The following CHCHD3 variants were observed in gnomAD, a reference collection of about 807,000 sequenced individuals.
The protein encoded by CHCHD3 is MICOS complex subunit MIC19.
A neutral mutation model predicts 38.2 loss-of-function variants in CHCHD3; 20 were observed. The ratio of observed to expected loss-of-function variants is 0.52; its 90% CI spans 0.37 to 0.76. CHCHD3 has a LOEUF of 0.76. Ranked by LOEUF, CHCHD3 falls within the 30% of genes least tolerant of loss-of-function variation. The pLI is 0.00. For missense variants in CHCHD3, 245 were observed against 279.2 expected (o/e 0.88, Z 0.87); for synonymous variants, 82 against 100.0 (o/e 0.82, Z 1.07).
intron 2 of CHCHD3, among the ~76,000 whole-genome samples, chr7:133,032,537 C>A (rs545244696): frequency 2.6e-5 from 4 of 152,138 alleles, no homozygotes; most frequent in Non-Finnish European, 5.9e-5. Flanking sequence ...TGGCATATTA[C>A]GCAAATAATG....
At chr7:132,799,027 G>T (rs1478086764) in intron 6 of CHCHD3, among the ~76,000 whole-genome samples, 3 of 151,218 alleles carry the variant, frequency 2.0e-5, no homozygotes, top group African/African-American at 7.3e-5. Context: ...GTGTGTGTGT[G>T]TGTGTGTGTG....
intron 2 of CHCHD3, among the ~76,000 whole-genome samples, chr7:133,039,777 T>G (rs772414535): frequency 6.6e-6 from 1 of 152,232 alleles, no homozygotes; most frequent in Non-Finnish European, 1.5e-5. Context: ...AGCACATGGC[T>G]GGTCAGAAGG....
chr7:132,859,624 C>T (rs925288622), intron 5 of CHCHD3, among the ~76,000 whole-genome samples: 5 of 152,214 alleles, frequency 3.3e-5, no homozygotes, highest in Non-Finnish European at 7.3e-5. Context: ...TTTTGTCCAG[C>T]CCAGATTCCC....
intron 4 of CHCHD3, among the ~76,000 whole-genome samples, chr7:132,958,928 T>C (rs182652018): frequency 6.6e-6 from 1 of 152,274 alleles, no homozygotes; most frequent in East Asian, 1.9e-4. Context: ...GAAGAAAACA[T>C]GTACCCTTCT....
chr7:132,842,608 C>G (rs1807967175), intron 5 of CHCHD3, among the ~76,000 whole-genome samples: 1 of 152,110 alleles, frequency 6.6e-6, no homozygotes, highest in Non-Finnish European at 1.5e-5. Flanking sequence ...TGTAACAGTT[C>G]CTCAGTCTTC....
At chr7:133,016,686 A>G (rs1813039556) in intron 3 of CHCHD3, among the ~76,000 whole-genome samples, 1 of 152,200 alleles carries the variant, frequency 6.6e-6, no homozygotes, top group Admixed American at 6.5e-5. Flanking sequence ...TCGAGGCTAT[A>G]TTGGCAAAGC....
chr7:132,897,326 C>T (rs1042163830), intron 4 of CHCHD3, among the ~76,000 whole-genome samples: 4 of 152,192 alleles, frequency 2.6e-5, no homozygotes, highest in Admixed American at 1.3e-4. Flanking sequence ...AGACAATTAC[C>T]GCACAACTTC....
intron 3 of CHCHD3, among the ~76,000 whole-genome samples, chr7:132,979,237 T>C (rs894343110): frequency 2.0e-5 from 3 of 152,214 alleles, no homozygotes; most frequent in Non-Finnish European, 4.4e-5. Flanking sequence ...AGGGGCATTA[T>C]ATTATCTCCC....
intron 3 of CHCHD3, among the ~76,000 whole-genome samples, chr7:132,993,814 T>A (rs920464979): frequency 6.6e-6 from 1 of 152,180 alleles, no homozygotes; most frequent in African/African-American, 2.4e-5. Context: ...ACACTGTTGA[T>A]CCCTGCACTT....
At chr7:132,997,702 A>G (rs1323208334) in intron 3 of CHCHD3, among the ~76,000 whole-genome samples, 2 of 149,908 alleles carry the variant, frequency 1.3e-5, no homozygotes, top group African/African-American at 4.9e-5. Flanking sequence ...CAAGAGACCA[A>G]ATGTGTTCAC....
intron 4 of CHCHD3, among the ~76,000 whole-genome samples, chr7:132,915,161 C>T (rs1810072883): frequency 6.6e-6 from 1 of 150,958 alleles, no homozygotes; most frequent in Non-Finnish European, 1.5e-5. Context: ...ACCAAATCAA[C>T]AAAAAAACAC....
intron 4 of CHCHD3, among the ~76,000 whole-genome samples, chr7:132,927,735 A>G: frequency 6.6e-6 from 1 of 152,224 alleles, no homozygotes; most frequent in East Asian, 1.9e-4. Context: ...AACAGATTTC[A>G]TAAGCACTGG....
intron 4 of CHCHD3, among the ~76,000 whole-genome samples, chr7:132,936,103 T>C (rs755036467): frequency 2.0e-5 from 3 of 152,168 alleles, no homozygotes; most frequent in Admixed American, 6.5e-5. Context: ...ATTCTAACCA[T>C]TGCATAGGCA....
intron 4 of CHCHD3, among the ~76,000 whole-genome samples, chr7:132,894,052 C>T (rs111439901): frequency 6.6e-6 from 1 of 152,088 alleles, no homozygotes; most frequent in Non-Finnish European, 1.5e-5. Flanking sequence ...TGAATAAAGA[C>T]AGGAGGTTGT....
At chr7:133,071,248 C>A (rs990526719) in intron 1 of CHCHD3, among the ~76,000 whole-genome samples, 2 of 152,162 alleles carry the variant, frequency 1.3e-5, no homozygotes, top group Non-Finnish European at 2.9e-5. Context: ...ATTTGGCTGT[C>A]CTATCGCTAT....
At chr7:132,786,757 G>A (rs1374480185) in intron 7 of CHCHD3, among the ~76,000 whole-genome samples, 1 of 152,080 alleles carries the variant, frequency 6.6e-6, no homozygotes, top group Non-Finnish European at 1.5e-5. Flanking sequence ...ACATACACCT[G>A]TGGAAAATTC....
chr7:132,896,104 T>C (rs1323497652), intron 4 of CHCHD3, among the ~76,000 whole-genome samples: 1 of 152,224 alleles, frequency 6.6e-6, no homozygotes, highest in East Asian at 1.9e-4. Context: ...TGGGTTGAAT[T>C]GCAAAGGCGT....
At chr7:133,039,447 T>C (rs915510775) in intron 2 of CHCHD3, among the ~76,000 whole-genome samples, 8 of 152,220 alleles carry the variant, frequency 5.3e-5, no homozygotes. Flanking sequence ...ACCAAGTCTT[T>C]TCAATTTTTA....
intron 5 of CHCHD3, among the ~76,000 whole-genome samples, chr7:132,872,598 G>A (rs939674477): frequency 1.3e-5 from 2 of 152,248 alleles, no homozygotes; most frequent in African/African-American, 2.4e-5. Context: ...CGCTATAGCC[G>A]TACTAATTAA....
Sources: allele counts gnomAD v4.1 joint callset (sites outside exome capture counted in the v4.1 genomes callset), GRCh38; gene constraint gnomAD v4.1.1; transcripts MANE v1.5; gene names NCBI Gene and HGNC (gene_info 2026-07-23, HGNC 2026-07-21).